Variants in DMD observed in about 807,000 individuals in gnomAD.
DMD encodes the protein dystrophin, also known as mutant dystrophin.
Under a neutral mutation model 330.1 loss-of-function variants are expected in DMD, and 63 were observed. The ratio of observed to expected loss-of-function variants is 0.19; its 90% CI spans 0.16 to 0.24. DMD has a LOEUF of 0.24. Among genes scored for constraint, DMD ranks in the 10% least tolerant of loss-of-function variants. DMD has a pLI of 1.00. For synonymous variants in DMD, 1,223 were observed against 959.8 expected (o/e 1.27, Z -5.07); for missense variants, 3,344 against 2,684.1 (o/e 1.25, Z -5.43).
At chrX:32,375,358 G>A (rs2097897684) in intron 34 of DMD, among the ~76,000 whole-genome samples, 1 of 112,363 alleles carries the variant, frequency 8.9e-6, no homozygotes, top group African/African-American at 3.2e-5. Flanking sequence ...TTTGGCCAAT[G>A]CTTAGGCAAA....
At chrX:32,506,540 A>C (rs1199828372) in intron 18 of DMD, among the ~76,000 whole-genome samples, 3 of 111,071 alleles carry the variant, frequency 2.7e-5, no homozygotes, top group South Asian at 3.8e-4. Context: ...AAAATCTATA[A>C]GGTAGTAATT....
At chrX:32,575,464 T>G (rs2052929947) in intron 13 of DMD, among the ~76,000 whole-genome samples, 1 of 112,209 alleles carries the variant, frequency 8.9e-6, no homozygotes, top group Admixed American at 9.5e-5. Flanking sequence ...TTGAATTATG[T>G]TTACAATAAA....
At chrX:32,057,492 T>G in intron 44 of DMD, among the ~76,000 whole-genome samples, 1 of 109,902 alleles carries the variant, frequency 9.1e-6, no homozygotes, top group East Asian at 2.9e-4. Context: ...AACAGGAAAT[T>G]TAGAAAACAA....
chrX:32,533,531 T>G (rs2047672503), intron 17 of DMD, among the ~76,000 whole-genome samples: 1 of 111,997 alleles, frequency 8.9e-6, no homozygotes, highest in Admixed American at 9.5e-5. Context: ...AAGCAGGAAG[T>G]GAACTTTTCT....
At chrX:32,376,010 T>A (rs2097901440) in intron 34 of DMD, among the ~76,000 whole-genome samples, 1 of 111,663 alleles carries the variant, frequency 9.0e-6, no homozygotes, top group Non-Finnish European at 1.9e-5. Flanking sequence ...CCGGGTGTGG[T>A]GACTCACACC....
chrX:32,956,671 T>C (rs2091610614), intron 2 of DMD, among the ~76,000 whole-genome samples: 1 of 111,421 alleles, frequency 9.0e-6, no homozygotes, highest in Non-Finnish European at 1.9e-5. Context: ...ACTTCCTCTC[T>C]TCCTAGTTGG....
chrX:31,886,371 T>TA (rs1376218585), intron 47 of DMD, among the ~76,000 whole-genome samples: 3 of 111,148 alleles, frequency 2.7e-5, no homozygotes, highest in Non-Finnish European at 5.7e-5. Flanking sequence ...TTTCTTTACA[T>TA]AAAAAATCAA....
chrX:33,053,058 T>C (rs1050090638), intron 1 of DMD, among the ~76,000 whole-genome samples: 1 of 111,965 alleles, frequency 8.9e-6, no homozygotes, highest in African/African-American at 3.2e-5. Flanking sequence ...CTTTTTAGTA[T>C]GATAATAAAA....
intron 55 of DMD, among the ~76,000 whole-genome samples, chrX:31,570,175 T>C (rs1263383272): frequency 9.0e-6 from 1 of 111,578 alleles, no homozygotes; most frequent in Non-Finnish European, 1.9e-5. Flanking sequence ...CTTGAAACTT[T>C]TGAATAGGAC....
intron 29 of DMD, among the ~76,000 whole-genome samples, chrX:32,415,051 T>C (rs1055027151): frequency 4.5e-5 from 5 of 111,813 alleles, no homozygotes; most frequent in Non-Finnish European, 9.4e-5. Flanking sequence ...AATTTCAGCA[T>C]TGTGACAGGT....
Position 31,839,609 on chromosome X carries a change from C to A in DMD, c.7099-2790G>T, listed in dbSNP as rs553302069. 3.4e-4 allele frequency among the ~76,000 whole-genome samples: 38 copies of A among 111,851 alleles called. No individual in the cohort carries two copies. In the South Asian group the frequency reaches 0.013, roughly 39 times the overall value. ...GATTACAACAATGTCTCAGAAAACT[C>A]ATTTCTATGACAAATTAAAATGGGA... On this transcript the variant is annotated intron_variant, in intron 48 of 78. Coordinates refer to ENST00000357033, the MANE Select transcript of DMD (RefSeq NM_004006.3).
Position 31,478,145 on chromosome X carries a change from G to A in DMD, c.8898C>T (p.Leu2966=). 8.3e-7 allele frequency: 1 copy of A among 1,210,827 alleles called. No homozygotes were observed. The highest frequency in any genetic ancestry group is 2.3e-4 in the Middle Eastern group (1 of 4,346). Residue 2966 remains leucine, a synonymous_variant, in exon 59 of 79, where the codon CTC becomes CTT. Coordinates refer to ENST00000357033, the MANE Select transcript of DMD (RefSeq NM_004006.3). Reference sequence around the variant, plus strand: ...GGTGATCTTGGAGAGAGTCAATGAGGAGATCGCCCACGGGCTGCCAGGATC... The same window carrying A: ...GGTGATCTTGGAGAGAGTCAATGAGAAGATCGCCCACGGGCTGCCAGGATC... The part of the protein sequence containing the change: ...IKGSWQPVGD[L]LIDSLQDHLE...
chrX:32,801,863 T>C (rs2076593552), intron 7 of DMD, among the ~76,000 whole-genome samples: 1 of 111,445 alleles, frequency 9.0e-6, no homozygotes, highest in African/African-American at 3.3e-5. Context: ...GTTCCATTCG[T>C]CTATGTATCT....
At chrX:32,926,015 T>A (rs777161881) in intron 2 of DMD, among the ~76,000 whole-genome samples, 1 of 112,237 alleles carries the variant, frequency 8.9e-6, no homozygotes, top group African/African-American at 3.2e-5. Context: ...ATTGCAGCAT[T>A]GTTCACAATA....
intron 1 of DMD, among the ~76,000 whole-genome samples, chrX:33,126,035 T>C (rs1278116253): frequency 5.2e-5 from 2 of 38,439 alleles, no homozygotes; most frequent in Non-Finnish European, 1.2e-4. Context: ...CGAGACTCCG[T>C]CTCAAGAAAA....
At chrX:31,705,986 C>A (rs1038933939) in intron 52 of DMD, among the ~76,000 whole-genome samples, 4 of 111,386 alleles carry the variant, frequency 3.6e-5, no homozygotes, top group African/African-American at 1.3e-4. Flanking sequence ...ACTTTCAAGG[C>A]AGAAGCTCTG....
At chrX:32,215,313 T>C (rs182013281) in intron 44 of DMD, among the ~76,000 whole-genome samples, 162 of 111,262 alleles carry the variant, frequency 1.5e-3, no homozygotes, top group African/African-American at 4.9e-3. Context: ...TTTCTAAATT[T>C]GATGAAATGT....
chrX:31,707,308 C>A (rs147921881), intron 52 of DMD, among the ~76,000 whole-genome samples: 181 of 111,114 alleles, frequency 1.6e-3, no homozygotes, highest in Non-Finnish European at 2.8e-3. Context: ...ACCTGCTGTG[C>A]TGAATAGTTC....
chrX:33,315,700 TTA>T (rs2053922601), intron 1 of DMD, among the ~76,000 whole-genome samples: 1 of 112,153 alleles, frequency 8.9e-6, no homozygotes. Flanking sequence ...CTTTTAAGAA[TTA>T]TATGAGTCCT....
Sources: gnomAD v4.1 joint callset for allele counts (sites outside exome capture counted in the v4.1 genomes callset) on GRCh38, gnomAD v4.1.1 for gene constraint, MANE v1.5 for transcripts, NCBI Gene and HGNC (gene_info 2026-07-23, HGNC 2026-07-21) for gene names.